MKLN1: variants seen among roughly 807,000 people sequenced by gnomAD.
MKLN1 encodes muskelin.
In MKLN1, 18 loss-of-function variants were observed where a neutral mutation model predicts 99.0. The ratio of observed to expected loss-of-function variants is 0.18; its 90% confidence interval spans 0.13 to 0.27. The LOEUF is 0.27. Ranked by LOEUF, MKLN1 falls within the 10% of genes least tolerant of loss-of-function variation. The pLI is 1.00. For synonymous variants in MKLN1, 288 were observed against 293.2 expected, an observed-to-expected ratio of 0.98 and a Z score of 0.18; for missense variants, 621 against 875.9, an observed-to-expected ratio of 0.71 and a Z score of 3.67.
At chr7:131,269,228 T>A (rs1198904354) in intron 3 of MKLN1, among the ~76,000 whole-genome samples, 1 of 152,260 alleles carries the variant, frequency 6.6e-6, no homozygotes, top group East Asian at 1.9e-4. Context: ...TTTGTGTTGC[T>A]ATCCCAAAAA....
intron 1 of MKLN1, among the ~76,000 whole-genome samples, chr7:131,113,398 G>T (rs1004747273): frequency 1.3e-5 from 2 of 152,182 alleles, no homozygotes; most frequent in African/African-American, 4.8e-5. Flanking sequence ...CAGAAGTCCT[G>T]GAGGAGAAAT....
chr7:131,312,728 T>C lies in MKLN1; in HGVS notation c.-178-62696T>C, dbSNP rs1231263239. On this transcript the variant is annotated intron_variant, in intron 3 of 7. Coordinates refer to the MKLN1 transcript ENST00000416992. ...CTTCTTTATATGCTCTCTATGTAAATTTCTGGCCTAGTAGTTTTAGTTACA... is the reference window on the plus strand; with the variant it reads ...CTTCTTTATATGCTCTCTATGTAAACTTCTGGCCTAGTAGTTTTAGTTACA... Among the ~76,000 whole-genome samples the C allele has an allele frequency of 5.1e-4, 78 of 152,228 alleles. 1 individual carries two copies. Among genetic ancestry groups the C allele is most frequent in the Admixed American group, 5.1e-3 (78 of 15,288 alleles).
chr7:131,386,604 A>G (rs1794035062), intron 2 of MKLN1, among the ~76,000 whole-genome samples: 1 of 152,222 alleles, frequency 6.6e-6, no homozygotes, highest in African/African-American at 2.4e-5. Context: ...AATGTGTAAT[A>G]GGAAAATGAG....
At chr7:131,298,164 G>C (rs866257323) in intron 3 of MKLN1, among the ~76,000 whole-genome samples, 3 of 152,038 alleles carry the variant, frequency 2.0e-5, no homozygotes, top group Admixed American at 6.6e-5. Flanking sequence ...CCAGATACTC[G>C]GGAGGCTGAG....
At chr7:131,290,997 A>G (rs987015282) in intron 3 of MKLN1, among the ~76,000 whole-genome samples, 1 of 152,312 alleles carries the variant, frequency 6.6e-6, no homozygotes, top group Admixed American at 6.5e-5. Flanking sequence ...ACCATGGTAC[A>G]GATAAACAAA....
At chr7:131,175,383 G>A (rs1796283987) in intron 2 of MKLN1, among the ~76,000 whole-genome samples, 2 of 152,190 alleles carry the variant, frequency 1.3e-5, no homozygotes. Flanking sequence ...TATGAGTGCA[G>A]AAGTTAGTCA....
chr7:131,228,860 G>A (rs539125391), intron 3 of MKLN1, among the ~76,000 whole-genome samples: 53 of 152,276 alleles, frequency 3.5e-4, no homozygotes, highest in African/African-American at 1.1e-3. Context: ...CTTGTAAGTA[G>A]GATTGGACTT....
chr7:131,134,535 G>A (rs1442783876), intron 1 of MKLN1, among the ~76,000 whole-genome samples: 1 of 152,136 alleles, frequency 6.6e-6, no homozygotes, highest in Non-Finnish European at 1.5e-5. Context: ...ATTACTGTGA[G>A]CTTCATATCC....
rs779846946 is a variant in MKLN1, at chr7:131,232,249, G to A, written c.-179+29275G>A. 5.9e-5 allele frequency among the ~76,000 whole-genome samples: 9 copies of A among 152,112 alleles called. No homozygotes were observed. The East Asian group carries it at 7.7e-4, about 13-fold the overall frequency. On this transcript the variant is annotated intron_variant, in intron 3 of 7. Coordinates refer to the MKLN1 transcript ENST00000416992. Reference sequence around the variant, plus strand: ...ATTATAATAAAGATACTCTAATAGCGAAGTGATTAAAGATGTCAGAACAAA... The same window carrying A: ...ATTATAATAAAGATACTCTAATAGCAAAGTGATTAAAGATGTCAGAACAAA...
intron 3 of MKLN1, among the ~76,000 whole-genome samples, chr7:131,258,779 T>C (rs2116531595): frequency 6.6e-6 from 1 of 152,304 alleles, no homozygotes; most frequent in East Asian, 1.9e-4. Flanking sequence ...TAAATATCTA[T>C]TCATGAAAAA....
At chr7:131,192,698 C>T (rs1313549485) in intron 2 of MKLN1, among the ~76,000 whole-genome samples, 3 of 151,576 alleles carry the variant, frequency 2.0e-5, no homozygotes, top group Admixed American at 6.6e-5. Context: ...CCCACCACCA[C>T]GCCCTGCTAA....
chr7:131,462,186 C>T (rs910254191), intron 12 of MKLN1, among the ~76,000 whole-genome samples: 13 of 152,052 alleles, frequency 8.5e-5, no homozygotes, highest in African/African-American at 3.1e-4. Context: ...TGCACACCAC[C>T]ACACTTGGCT....
chr7:131,171,488 G>A (rs764596398), intron 2 of MKLN1, among the ~76,000 whole-genome samples: 28 of 151,418 alleles, frequency 1.8e-4, no homozygotes, highest in African/African-American at 5.6e-4. Context: ...ATCGTGTTTC[G>A]CTTTTGTAGC....
At chr7:131,361,149 G>C (rs1313108971) in intron 1 of MKLN1, among the ~76,000 whole-genome samples, 1 of 151,712 alleles carries the variant, frequency 6.6e-6, no homozygotes, top group Admixed American at 6.6e-5. Flanking sequence ...TGAGCTTCCT[G>C]CTGGGTTTTC....
intron 16 of MKLN1, chr7:131,471,960 A>G (rs1195515361): frequency 6.6e-6 from 1 of 152,224 alleles, no homozygotes; most frequent in Admixed American, 6.5e-5. Context: ...AAGTCTCTCA[A>G]TATTGATTAT....
At chr7:131,151,272 AAAACCAT>A (rs1405268549) in intron 2 of MKLN1, among the ~76,000 whole-genome samples, 8 of 152,352 alleles carry the variant, frequency 5.3e-5, no homozygotes, top group Non-Finnish European at 8.8e-5. Context: ...ACACTGTAGT[AAAACCAT>A]AAGAAAATTT....
chr7:131,279,056 T>C (rs1346640564), intron 3 of MKLN1, among the ~76,000 whole-genome samples: 1 of 152,216 alleles, frequency 6.6e-6, no homozygotes, highest in Non-Finnish European at 1.5e-5. Context: ...TCATCCAACA[T>C]CCAACATATA....
intron 1 of MKLN1, among the ~76,000 whole-genome samples, chr7:131,360,968 C>T (rs947052947): frequency 1.3e-5 from 2 of 151,952 alleles, no homozygotes; most frequent in Non-Finnish European, 2.9e-5. Flanking sequence ...TCAAGTATTT[C>T]GTTCCCACTC....
intron 3 of MKLN1, among the ~76,000 whole-genome samples, chr7:131,306,358 G>A (rs200162723): frequency 1.1e-4 from 16 of 152,222 alleles, no homozygotes; most frequent in African/African-American, 2.7e-4. Context: ...AGGTTGGAAC[G>A]GTTTGGACGG....
Sources: allele counts gnomAD v4.1 joint callset (sites outside exome capture counted in the v4.1 genomes callset), GRCh38; gene constraint gnomAD v4.1.1; transcripts MANE v1.5; gene names NCBI Gene and HGNC (gene_info 2026-07-23, HGNC 2026-07-21).